Variants in NECTIN1 observed in about 807,000 individuals in gnomAD.
NECTIN1 encodes nectin-1.
A neutral mutation model predicts 48.0 loss-of-function variants in NECTIN1; 23 were observed. The ratio of observed to expected loss-of-function variants is 0.48; its 90% CI spans 0.34 to 0.68. The LOEUF (loss-of-function observed/expected upper bound fraction) is 0.68. Ranked by LOEUF, NECTIN1 falls within the 30% of genes least tolerant of loss-of-function variation. The pLI, the probability that NECTIN1 is intolerant of heterozygous loss-of-function variation, is 0.01. For missense variants in NECTIN1, 591 were observed against 709.9 expected, an observed-to-expected ratio of 0.83 and a Z score of 1.90; for synonymous variants, 270 against 288.9, an observed-to-expected ratio of 0.93 and a Z score of 0.66.
intron 1 of NECTIN1, among the ~76,000 whole-genome samples, chr11:119,711,352 C>T (rs1183220017): frequency 9.9e-5 from 15 of 151,166 alleles, no homozygotes; most frequent in African/African-American, 3.2e-4. Context: ...ATCGTGCCAC[C>T]GCACTCCAGC....
At chr11:119,646,799 T>C (rs1307012244) in intron 5 of NECTIN1, among the ~76,000 whole-genome samples, 1 of 152,246 alleles carries the variant, frequency 6.6e-6, no homozygotes, top group Non-Finnish European at 1.5e-5. Context: ...CCTTCTTAGC[T>C]GTCTAATCTT....
chr11:119,665,158 G>C lies in NECTIN1; in HGVS notation c.1143C>G (p.Arg381=), dbSNP rs1398075843. The C allele has an allele frequency of 4.3e-6, 7 of 1,612,982 alleles. No homozygotes were observed. The highest frequency in any genetic ancestry group is 2.7e-5 in the African/African-American group (2 of 74,890). The change falls in exon 6 of 6, where the codon CGC becomes CGG. Residue 381 remains arginine, a synonymous_variant. Coordinates refer to ENST00000264025, the MANE Select transcript of NECTIN1 (RefSeq NM_002855.5). This position sits in a 1 kb window ranked among gnomAD's most constrained non-coding sequence, Gnocchi z 5.1. The part of the protein sequence containing the change: ...VGGIVVALRR[R]RHTFKGDYST... Reference sequence around the variant, plus strand: ...TGTAGTCACCCTTGAAGGTGTGCCGGCGCCGACGCAGGGCGACCACGATCC... The same window carrying C: ...TGTAGTCACCCTTGAAGGTGTGCCGCCGCCGACGCAGGGCGACCACGATCC...
intron 5 of NECTIN1, among the ~76,000 whole-genome samples, chr11:119,671,260 C>T (rs531049335): frequency 3.6e-4 from 54 of 152,072 alleles, no homozygotes; most frequent in African/African-American, 1.3e-3. Context: ...CTGCAAGGGC[C>T]GCAGCTGGGA....
intron 1 of NECTIN1, among the ~76,000 whole-genome samples, chr11:119,699,392 A>G (rs1591474752): frequency 1.3e-5 from 2 of 152,066 alleles, no homozygotes; most frequent in Admixed American, 6.6e-5. Flanking sequence ...GCAGACGCCA[A>G]CTAGCCCAGC....
At chr11:119,691,996 C>A (rs143116938) in intron 1 of NECTIN1, among the ~76,000 whole-genome samples, 1,764 of 152,286 alleles carry the variant, frequency 0.012, 19 homozygotes, top group East Asian at 0.048. Context: ...GGGTGAGGGG[C>A]CTGAGAGGGA....
chr11:119,675,387 C>A (rs1221879973), intron 4 of NECTIN1, 77 bp from the exon 5 acceptor site: 6 of 1,524,500 alleles, frequency 3.9e-6, no homozygotes, highest in Admixed American at 3.4e-5. Context: ...ACCCACTTGG[C>A]TCCAGGCCCC....
At chr11:119,701,326 T>C (rs951134158) in intron 1 of NECTIN1, among the ~76,000 whole-genome samples, 24 of 152,350 alleles carry the variant, frequency 1.6e-4, no homozygotes, top group Middle Eastern at 3.4e-3. Flanking sequence ...GACTTTTCTC[T>C]GAGCAGTGCT....
intron 5 of NECTIN1, among the ~76,000 whole-genome samples, chr11:119,666,801 G>A (rs1393507367): frequency 2.0e-5 from 3 of 152,232 alleles, no homozygotes; most frequent in East Asian, 3.8e-4. Context: ...CTCCTGGGGC[G>A]TGTGTGGGGT....
chr11:119,693,401 T>A (rs1865293434), intron 1 of NECTIN1, among the ~76,000 whole-genome samples: 1 of 152,214 alleles, frequency 6.6e-6, no homozygotes. Flanking sequence ...GTCATCCATT[T>A]ACATGTAAAA....
intron 1 of NECTIN1, among the ~76,000 whole-genome samples, chr11:119,720,506 C>T (rs150911210): frequency 3.7e-4 from 56 of 152,388 alleles, no homozygotes; most frequent in African/African-American, 1.2e-3. Flanking sequence ...TGGGCTGACC[C>T]GTGTGGCCCC....
At chr11:119,701,508 G>A (rs1279467013) in intron 1 of NECTIN1, among the ~76,000 whole-genome samples, 3 of 151,996 alleles carry the variant, frequency 2.0e-5, no homozygotes, top group Non-Finnish European at 4.4e-5. Context: ...TCCCTAGAAC[G>A]GGACCACAGA....
At chr11:119,701,673 A>G (rs1865455243) in intron 1 of NECTIN1, among the ~76,000 whole-genome samples, 2 of 152,134 alleles carry the variant, frequency 1.3e-5, no homozygotes, top group South Asian at 4.1e-4. Context: ...AGACAAACCT[A>G]GGGGAGATGT....
In NECTIN1 at chr11:119,716,406, C is replaced by T. The variant is rs558837353; in HGVS notation, c.79+12069G>A. On this transcript the variant is annotated intron_variant, in intron 1 of 5. Transcript: ENST00000264025. The stretch of plus-strand genomic sequence containing the variant: ...TTTCCCTGGATCAAGCAAATTATTG[C>T]TTGTGCTAAGCACACCACATATGTT... Among the ~76,000 whole-genome samples, 4 of 152,294 alleles carry T rather than the reference C, an allele frequency of 2.6e-5. No homozygotes were observed. The South Asian group carries it at 8.3e-4, about 32-fold the overall frequency.
chr11:119,690,407 G>C (rs1291730043), intron 1 of NECTIN1, among the ~76,000 whole-genome samples: 2 of 150,488 alleles, frequency 1.3e-5, no homozygotes, highest in Admixed American at 1.3e-4. Flanking sequence ...CCTCCGAGCT[G>C]GGGGGTGGCA....
chr11:119,640,321 C>A, intron 5 of NECTIN1: 1 of 427,786 alleles, frequency 2.3e-6, no homozygotes, highest in Non-Finnish European at 4.3e-6. Context: ...GGGGTCCCCA[C>A]CCCGTCATTC....
chr11:119,642,647 G>A (rs1235508963), intron 5 of NECTIN1: 3 of 153,472 alleles, frequency 2.0e-5, no homozygotes, highest in African/African-American at 2.4e-5. Context: ...GCCATCCCTC[G>A]GCATCTCTGG....
intron 1 of NECTIN1, among the ~76,000 whole-genome samples, chr11:119,711,926 G>A (rs1245428448): frequency 6.6e-6 from 1 of 152,186 alleles, no homozygotes; most frequent in Non-Finnish European, 1.5e-5. Context: ...TGGCTGGATG[G>A]GTGTGGTGGT....
downstream of NECTIN1, chr11:119,659,330 T>C (rs1864623316): frequency 1.3e-5 from 2 of 152,246 alleles, no homozygotes; most frequent in Middle Eastern, 3.4e-3. Context: ...GTGGGTAGGA[T>C]TGGGAACGGA....
At position 119,663,887 on chromosome 11, in the gene NECTIN1, G is replaced by C; in HGVS notation, c.*860C>G. On this transcript the variant is annotated 3_prime_UTR_variant, in exon 6 of 6. Coordinates refer to ENST00000264025, the MANE Select transcript of NECTIN1 (RefSeq NM_002855.5). ...GAAATAGACGGGTGGGCCTTGGGCA[G>C]TGTCTGGATGGGGCAGGGCATGGGA... The C allele has an allele frequency of 1.0e-6, 1 of 986,348 alleles. No homozygotes were observed. The highest frequency in any genetic ancestry group is 1.2e-6 in the Non-Finnish European group (1 of 830,608). The allele number at this position is 986,348 out of a possible 1,614,324, so 61.1% of individuals were successfully genotyped here. A position where few individuals can be genotyped will look rare whatever the true frequency, so the allele number is the denominator to read the frequency against.
Sources: gnomAD v4.1 joint callset for allele counts (sites outside exome capture counted in the v4.1 genomes callset) on GRCh38, gnomAD v4.1.1 for gene constraint, Gnocchi (gnomAD v3.1) non-coding constraint, MANE v1.5 for transcripts, NCBI Gene and HGNC (gene_info 2026-07-23, HGNC 2026-07-21) for gene names.